NRG1: variants seen among roughly 807,000 people sequenced by gnomAD.
The protein encoded by NRG1 is neuregulin 1.
Under a neutral mutation model 63.8 loss-of-function variants are expected in NRG1, and 18 were observed. The ratio of observed to expected loss-of-function variants is 0.28; its 90% CI spans 0.19 to 0.42. The LOEUF (loss-of-function observed/expected upper bound fraction) is 0.42, where lower values mean the gene tolerates loss of function less well. Ranked by LOEUF, NRG1 falls within the 10% of genes least tolerant of loss-of-function variation. The probability of loss-of-function intolerance (pLI) is 1.00; values close to 1 mark genes in which losing one functional copy is unlikely to be tolerated. For synonymous variants in NRG1, 302 were observed against 301.3 expected, an observed-to-expected ratio of 1.00 and a Z score of -0.02; for missense variants, 762 against 814.7, an observed-to-expected ratio of 0.94 and a Z score of 0.79.
chr8:32,230,188 C>T (rs879803629), intron 1 of NRG1, among the ~76,000 whole-genome samples: 1 of 152,150 alleles, frequency 6.6e-6, no homozygotes, highest in African/African-American at 2.4e-5. Context: ...AGAGCACGAA[C>T]TACAACTGTG....
chr8:32,226,040 C>T (rs1333034926), intron 1 of NRG1, among the ~76,000 whole-genome samples: 5 of 152,088 alleles, frequency 3.3e-5, no homozygotes, highest in Admixed American at 2.0e-4. Context: ...TCATGTGAAC[C>T]TGTTCAAGAA....
At chr8:32,355,285 C>T (rs763099578) in intron 1 of NRG1, among the ~76,000 whole-genome samples, 2 of 151,890 alleles carry the variant, frequency 1.3e-5, no homozygotes, top group Non-Finnish European at 2.9e-5. Context: ...GTGATGAAAC[C>T]CCATCTCTAC....
chr8:31,903,148 CTTTT>C (rs35433200), intron 1 of NRG1, among the ~76,000 whole-genome samples: 1 of 125,516 alleles, frequency 8.0e-6, no homozygotes, highest in African/African-American at 3.0e-5. Context: ...GAGCCTTCAA[CTTTT>C]TTTTTTTTTT....
intron 1 of NRG1, among the ~76,000 whole-genome samples, chr8:31,866,119 G>C (rs1176189897): frequency 6.6e-6 from 1 of 152,100 alleles, no homozygotes; most frequent in Non-Finnish European, 1.5e-5. Context: ...AGGCTCTTTT[G>C]GGATTACCCA....
chr8:32,646,653 G>T (rs947039949), intron 5 of NRG1: 2 of 977,150 alleles, frequency 2.0e-6, no homozygotes, highest in Non-Finnish European at 2.4e-6. Context: ...CTGGCAAGGT[G>T]GGGGTGGAAG....
chr8:32,355,964 CGT>C (rs953587120), intron 1 of NRG1, among the ~76,000 whole-genome samples: 4 of 151,754 alleles, frequency 2.6e-5, no homozygotes, highest in African/African-American at 9.7e-5. Flanking sequence ...TGCACGTGCG[CGT>C]GTGTGTGTGC....
intron 5 of NRG1, among the ~76,000 whole-genome samples, chr8:32,701,475 G>A (rs183509659): frequency 6.0e-4 from 91 of 152,240 alleles, no homozygotes; most frequent in Middle Eastern, 6.8e-3. Context: ...ATAGAGGGGC[G>A]TAAAGACCAT....
chr8:32,067,860 C>A (rs549495817), intron 1 of NRG1, among the ~76,000 whole-genome samples: 1 of 152,186 alleles, frequency 6.6e-6, no homozygotes, highest in South Asian at 2.1e-4. Context: ...CCTTTTTAAT[C>A]CCATCAGGAT....
At chr8:31,747,523 C>T (rs571975076) in intron 1 of NRG1, among the ~76,000 whole-genome samples, 2 of 152,046 alleles carry the variant, frequency 1.3e-5, no homozygotes, top group African/African-American at 4.8e-5. Flanking sequence ...CTGAGGGTAC[C>T]TGTTTTGTGT....
At chr8:31,984,834 A>G (rs1240818976) in intron 1 of NRG1, among the ~76,000 whole-genome samples, 1 of 152,156 alleles carries the variant, frequency 6.6e-6, no homozygotes, top group East Asian at 1.9e-4. Context: ...TTGTAAGCAC[A>G]TCATATGTTT....
At chr8:31,819,809 T>G (rs1236387764) in intron 1 of NRG1, among the ~76,000 whole-genome samples, 1 of 152,206 alleles carries the variant, frequency 6.6e-6, no homozygotes, top group African/African-American at 2.4e-5. Flanking sequence ...ATTAGCCCCT[T>G]AACTGTTGAC....
At chr8:32,640,815 G>T (rs937084744) in intron 5 of NRG1, among the ~76,000 whole-genome samples, 1 of 151,746 alleles carries the variant, frequency 6.6e-6, no homozygotes, top group African/African-American at 2.4e-5. Context: ...TATACATATC[G>T]GCAGGCGTGG....
chr8:32,057,360 G>A (rs898260129), intron 1 of NRG1, among the ~76,000 whole-genome samples: 1 of 152,124 alleles, frequency 6.6e-6, no homozygotes, highest in African/African-American at 2.4e-5. Flanking sequence ...GAAAGGCCTG[G>A]TGCGTTGCAT....
At chr8:32,260,445 A>T (rs563376629) in intron 1 of NRG1, among the ~76,000 whole-genome samples, 1 of 152,366 alleles carries the variant, frequency 6.6e-6, no homozygotes, top group East Asian at 1.9e-4. Flanking sequence ...GTCAGTCCAT[A>T]GAACAAAATA....
intron 1 of NRG1, among the ~76,000 whole-genome samples, chr8:32,252,016 C>T (rs1192877964): frequency 6.6e-6 from 1 of 152,104 alleles, no homozygotes; most frequent in Non-Finnish European, 1.5e-5. Context: ...AGTATCTGCT[C>T]ATGTCCTTTG....
intron 5 of NRG1, among the ~76,000 whole-genome samples, chr8:32,704,163 T>G (rs1024025768): frequency 1.3e-5 from 2 of 152,204 alleles, no homozygotes; most frequent in African/African-American, 4.8e-5. Flanking sequence ...GTTTCCTTAA[T>G]TTCTTCTTTC....
At chr8:32,267,320 A>G (rs1851083799) in intron 1 of NRG1, among the ~76,000 whole-genome samples, 2 of 152,202 alleles carry the variant, frequency 1.3e-5, no homozygotes, top group Non-Finnish European at 2.9e-5. Context: ...AGTGCGAGCA[A>G]GGCCAAAAAT....
At chr8:31,965,287 A>C (rs1427275936) in intron 1 of NRG1, among the ~76,000 whole-genome samples, 1 of 151,008 alleles carries the variant, frequency 6.6e-6, no homozygotes, top group African/African-American at 2.4e-5. Flanking sequence ...CAGTGGTGTG[A>C]TCTCAGCTCA....
chr8:31,833,362 C>T (rs1269518205), intron 1 of NRG1, among the ~76,000 whole-genome samples: 1 of 152,174 alleles, frequency 6.6e-6, no homozygotes, highest in Admixed American at 6.5e-5. Context: ...TTATGAATAT[C>T]CTTCTGGAAG....
Sources: allele counts gnomAD v4.1 joint callset (sites outside exome capture counted in the v4.1 genomes callset), GRCh38; gene constraint gnomAD v4.1.1; transcripts MANE v1.5; gene names NCBI Gene and HGNC (gene_info 2026-07-23, HGNC 2026-07-21).